Variants in DNAJC1 observed in about 807,000 individuals in gnomAD.
The protein encoded by DNAJC1 is DnaJ heat shock protein family (Hsp40) member C1.
DNAJC1 carries 58 observed loss-of-function variants against 76.6 expected under a neutral mutation model. The observed-to-expected ratio is 0.76, with a 90% CI of 0.61 to 0.94. The LOEUF (loss-of-function observed/expected upper bound fraction) is 0.94, where lower values mean the gene tolerates loss of function less well. DNAJC1 is among the 40% of genes least tolerant of loss of function. DNAJC1 has a pLI of 0.00. For synonymous variants in DNAJC1, 258 were observed against 267.9 expected, an observed-to-expected ratio of 0.96 and a Z score of 0.36; for missense variants, 689 against 677.3, an observed-to-expected ratio of 1.02 and a Z score of -0.19.
In DNAJC1 at chr10:21,759,504, G is replaced by A. The variant is rs753353418; in HGVS notation, c.1262C>T (p.Ala421Val). ...GTCTCCCTCCTGCTCCTCCTCCGCT[G>A]CCACCCCCTCTGCGTCCTCTCGCTG... Reference protein sequence around the residue: ...ITQREDAEGVAAEEEQEGDSG... With the variant: ...ITQREDAEGVVAEEEQEGDSG... Residue 421 changes from alanine to valine, a missense_variant, in exon 11 of 12, where the codon GCA becomes GTA. Physicochemically the swap from Ala to Val is moderately conservative, Grantham distance 64. Coordinates refer to ENST00000376980, the MANE Select transcript of DNAJC1 (RefSeq NM_022365.4). 9 of 1,614,066 alleles carry A rather than the reference G, an allele frequency of 5.6e-6. No homozygotes were observed. The highest frequency in any genetic ancestry group is 7.6e-6 in the Non-Finnish European group (9 of 1,180,042).
chr10:21,840,152 A>C (rs554711623), intron 8 of DNAJC1, among the ~76,000 whole-genome samples: 78 of 152,332 alleles, frequency 5.1e-4, no homozygotes, highest in South Asian at 3.3e-3. Context: ...ATCATACCGA[A>C]TGGGCAAAAA....
intron 8 of DNAJC1, among the ~76,000 whole-genome samples, chr10:21,851,764 G>C (rs1257314100): frequency 6.6e-6 from 1 of 152,050 alleles, no homozygotes; most frequent in South Asian, 2.1e-4. Context: ...TAAACAAATT[G>C]TAAGATACGG....
intron 1 of DNAJC1, among the ~76,000 whole-genome samples, chr10:21,941,009 T>C (rs1590058988): frequency 6.8e-6 from 1 of 147,210 alleles, no homozygotes; most frequent in East Asian, 2.0e-4. Flanking sequence ...CCCAGCACTT[T>C]GGGAGGCCAA....
At chr10:21,985,509 A>C (rs1422919679) in intron 1 of DNAJC1, among the ~76,000 whole-genome samples, 1 of 152,136 alleles carries the variant, frequency 6.6e-6, no homozygotes, top group African/African-American at 2.4e-5. Flanking sequence ...TCAGCCTCCC[A>C]AAGTGCTGGG....
At chr10:21,869,215 CAAAAAAAA>C (rs552376355) in intron 8 of DNAJC1, among the ~76,000 whole-genome samples, 1 of 94,454 alleles carries the variant, frequency 1.1e-5, no homozygotes, top group African/African-American at 3.8e-5. Flanking sequence ...GACCATATCT[CAAAAAAAA>C]AAAAAAAAAA....
At chr10:21,876,506 T>C (rs1180398441) in intron 8 of DNAJC1, among the ~76,000 whole-genome samples, 1 of 152,262 alleles carries the variant, frequency 6.6e-6, no homozygotes. Context: ...CTGATCCATA[T>C]ATAATTGTTA....
At chr10:21,955,344 G>A (rs1391041348) in intron 1 of DNAJC1, among the ~76,000 whole-genome samples, 4 of 151,976 alleles carry the variant, frequency 2.6e-5, no homozygotes, top group Admixed American at 2.0e-4. Context: ...ATTATATGAG[G>A]GGCAAACCTC....
intron 8 of DNAJC1, among the ~76,000 whole-genome samples, chr10:21,852,212 G>A (rs1177059122): frequency 1.3e-5 from 2 of 151,464 alleles, no homozygotes; most frequent in Non-Finnish European, 2.9e-5. Context: ...GAGAAAGGAG[G>A]CAGAAACAAA....
intron 8 of DNAJC1, among the ~76,000 whole-genome samples, chr10:21,864,765 T>C (rs1037930906): frequency 5.3e-5 from 8 of 152,020 alleles, no homozygotes; most frequent in Admixed American, 5.2e-4. Flanking sequence ...TTAAAAACTT[T>C]ACTCTTCAAA....
At chr10:21,782,137 T>C (rs566202052) in intron 9 of DNAJC1, among the ~76,000 whole-genome samples, 102 of 152,152 alleles carry the variant, frequency 6.7e-4, no homozygotes, top group African/African-American at 2.4e-3. Context: ...ACAAAATTGA[T>C]AGACCGCTAG....
chr10:21,833,920 G>A (rs1472296748), intron 8 of DNAJC1, among the ~76,000 whole-genome samples: 1 of 152,088 alleles, frequency 6.6e-6, no homozygotes. Flanking sequence ...AAATCAGACA[G>A]GGGAAAGATC....
intron 10 of DNAJC1, among the ~76,000 whole-genome samples, chr10:21,761,963 A>C (rs1236954679): frequency 3.3e-5 from 5 of 152,134 alleles, no homozygotes; most frequent in African/African-American, 1.2e-4. Context: ...GCTGGAGTGA[A>C]GGGGCGCGAT....
At chr10:21,991,394 T>C (rs1459501132) in intron 1 of DNAJC1, among the ~76,000 whole-genome samples, 1 of 152,182 alleles carries the variant, frequency 6.6e-6, no homozygotes, top group Non-Finnish European at 1.5e-5. Flanking sequence ...AGCCTATGCA[T>C]GGAAGTTCAG....
chr10:21,973,629 A>C (rs932412713), intron 1 of DNAJC1, among the ~76,000 whole-genome samples: 1 of 152,180 alleles, frequency 6.6e-6, no homozygotes, highest in Non-Finnish European at 1.5e-5. Context: ...ATATTGGGTA[A>C]AAGAACTGTG....
At chr10:21,789,479 A>G (rs2131633195) in intron 9 of DNAJC1, among the ~76,000 whole-genome samples, 1 of 152,306 alleles carries the variant, frequency 6.6e-6, no homozygotes, top group East Asian at 1.9e-4. Flanking sequence ...AGGAAATATG[A>G]CATCACAAGA....
At chr10:21,986,353 G>A (rs1371415708) in intron 1 of DNAJC1, among the ~76,000 whole-genome samples, 1 of 152,112 alleles carries the variant, frequency 6.6e-6, no homozygotes, top group East Asian at 1.9e-4. Context: ...TATGCTAGTG[G>A]GCATAATATG....
intron 8 of DNAJC1, among the ~76,000 whole-genome samples, chr10:21,808,764 T>C (rs959387927): frequency 6.6e-5 from 10 of 152,242 alleles, no homozygotes; most frequent in Admixed American, 5.9e-4. Context: ...TGCATAAGCA[T>C]ACTGCTTTGC....
intron 3 of DNAJC1, among the ~76,000 whole-genome samples, chr10:21,926,038 G>A (rs929017272): frequency 3.9e-5 from 6 of 152,156 alleles, no homozygotes; most frequent in Non-Finnish European, 8.8e-5. Context: ...CGCAACTTCC[G>A]CCTCCGGGGT....
At chr10:21,989,072 G>A (rs1327087151) in intron 1 of DNAJC1, among the ~76,000 whole-genome samples, 2 of 152,120 alleles carry the variant, frequency 1.3e-5, no homozygotes, top group African/African-American at 4.8e-5. Flanking sequence ...AATAAAGTCT[G>A]GGAACAGTTG....
Sources: gnomAD v4.1 joint callset for allele counts (sites outside exome capture counted in the v4.1 genomes callset) on GRCh38, gnomAD v4.1.1 for gene constraint, MANE v1.5 for transcripts, NCBI Gene and HGNC (gene_info 2026-07-23, HGNC 2026-07-21) for gene names.